Variants in SARS1 observed in about 807,000 individuals in gnomAD.
SARS1 encodes seryl-tRNA synthetase 1, also known as serine--tRNA ligase, cytoplasmic.
Under a neutral mutation model 63.7 loss-of-function variants are expected in SARS1, and 25 were observed. The ratio of observed to expected loss-of-function variants is 0.39; its 90% CI spans 0.29 to 0.55. The LOEUF (loss-of-function observed/expected upper bound fraction) is 0.55. Among genes scored for constraint, SARS1 ranks in the 20% least tolerant of loss-of-function variants. The pLI is 0.62. For missense variants in SARS1, 417 were observed against 649.7 expected (o/e 0.64, Z 3.89); for synonymous variants, 231 against 243.5 (o/e 0.95, Z 0.48).
chr1:109,235,516 C>T lies in SARS1; in HGVS notation c.969+85C>T, dbSNP rs1655290065. The T allele has an allele frequency of 2.8e-6, 3 of 1,079,658 alleles. No individual in the cohort carries two copies. In the South Asian group the frequency reaches 4.3e-5, roughly 16 times the overall value. The allele number at this position is 1,079,658 out of a possible 1,614,324, so 66.9% of individuals were successfully genotyped here. A position where few individuals can be genotyped will look rare whatever the true frequency, so the allele number is the denominator to read the frequency against. ...AGAGATAGGATCTGTGTTGCTGAGG[C>T]CCATCCTGGCTCCAGCTTTTCCTCT... is the stretch of plus-strand genomic sequence containing the variant. On this transcript the variant is annotated intron_variant, in intron 7 of 10. Transcript: ENST00000234677. This position sits in a 1 kb window ranked among gnomAD's most constrained non-coding sequence, Gnocchi z 4.7.
Position 109,235,411 on chromosome 1 carries a change from C to A in SARS1, c.949C>A (p.Arg317=). The change falls in exon 7 of 11, where the codon CGA becomes AGA. Residue 317 remains arginine (R), a synonymous_variant. Coordinates refer to ENST00000234677, the MANE Select transcript of SARS1 (RefSeq NM_006513.4). This position sits in a 1 kb window ranked among gnomAD's most constrained non-coding sequence, Gnocchi z 4.7. ...SHGRDTRGIF[R]VHQFEKIEQF... is the part of the protein sequence containing the mutation. ...TGGCCGTGACACCCGTGGCATCTTC[C>A]GAGTCCATCAGTTTGAGAAGGTGAG... The A allele has an allele frequency of 1.2e-6, 2 of 1,613,064 alleles. No homozygotes were observed. The highest frequency in any genetic ancestry group is 1.3e-5 in the African/African-American group (1 of 75,016).
intron 1 of SARS1, among the ~76,000 whole-genome samples, chr1:109,222,549 C>T (rs946303647): frequency 6.6e-6 from 1 of 152,156 alleles, no homozygotes; most frequent in South Asian, 2.1e-4. Flanking sequence ...ATCTATTATC[C>T]ATCTCTATAG....
chr1:109,233,862 ATTTTTTT>A (rs1164453054), intron 6 of SARS1, among the ~76,000 whole-genome samples: 1 of 65,968 alleles, frequency 1.5e-5, no homozygotes, highest in Non-Finnish European at 2.7e-5. Context: ...CACCTGGCTA[ATTTTTTT>A]TTTTTTTTTT....
intron 3 of SARS1, among the ~76,000 whole-genome samples, 181 bp downstream of exon 3, chr1:109,228,613 A>G (rs1162336591): frequency 6.6e-6 from 1 of 152,216 alleles, no homozygotes; most frequent in African/African-American, 2.4e-5. Flanking sequence ...TAGACAGCAG[A>G]GATGGAGACA....
chr1:109,216,019 A>G (rs1381963687), intron 1 of SARS1: 3 of 984,944 alleles, frequency 3.0e-6, no homozygotes, highest in Non-Finnish European at 3.6e-6. Context: ...TTTATTTCCA[A>G]TGCATCTATT....
At chr1:109,221,970 G>GTATATATATA (rs773937466) in intron 1 of SARS1, among the ~76,000 whole-genome samples, 4 of 28,054 alleles carry the variant, frequency 1.4e-4, no homozygotes, top group African/African-American at 5.8e-4. Context: ...TTGTGTGTGT[G>GTATATATATA]TATATATATA....
Position 109,235,501 on chromosome 1 carries a change from T to A in SARS1, c.969+70T>A. The A allele has an allele frequency of 7.8e-7, 1 of 1,273,990 alleles. No homozygotes were observed. The highest frequency in any genetic ancestry group is 1.1e-6 in the Non-Finnish European group (1 of 904,474). 78.9% of individuals were successfully genotyped at this position (1,273,990 alleles called of 1,614,324 possible). ...CAGAATGGTTAGATGAGAGATAGGATCTGTGTTGCTGAGGCCCATCCTGGC... is the reference window on the plus strand; with the variant it reads ...CAGAATGGTTAGATGAGAGATAGGAACTGTGTTGCTGAGGCCCATCCTGGC... On this transcript the variant is annotated intron_variant, in intron 7 of 10. Transcript: ENST00000234677. The surrounding 1 kb of genome is among the most constrained non-coding windows in gnomAD (Gnocchi z 4.7).
At chr1:109,221,960 T>TTTTTTTTGTGTGTGTG (rs771565091) in intron 1 of SARS1, among the ~76,000 whole-genome samples, 1 of 10,060 alleles carries the variant, frequency 9.9e-5, no homozygotes, top group African/African-American at 1.5e-4. Context: ...GCTAATTTTT[T>TTTTTTTTGTGTGTGTG]TGTGTGTGTG....
At chr1:109,220,652 T>C (rs1354751355) in intron 1 of SARS1, among the ~76,000 whole-genome samples, 1 of 152,248 alleles carries the variant, frequency 6.6e-6, no homozygotes, top group Non-Finnish European at 1.5e-5. Flanking sequence ...TCTCCCATTC[T>C]GTGGCTTGCC....
intron 4 of SARS1, among the ~76,000 whole-genome samples, chr1:109,230,593 G>T (rs1014282369): frequency 9.9e-5 from 15 of 152,158 alleles, no homozygotes; most frequent in Non-Finnish European, 2.2e-4. Flanking sequence ...GATCACTCGA[G>T]CCCAGGAGTT....
chr1:109,237,105 G>T lies in SARS1; in HGVS notation c.1258-139G>T. On this transcript the variant is annotated intron_variant, in intron 9 of 10. Transcript: ENST00000234677. The surrounding 1 kb of genome is among the most constrained non-coding windows in gnomAD (Gnocchi z 4.1). ...CCAAATAATTCAAATTTAGAAAAAA[G>T]TTGCTAAGGGGTAGAACCCATCATT... The T allele has an allele frequency of 7.3e-7, 1 of 1,361,088 alleles. No homozygotes were observed. The highest frequency in any genetic ancestry group is 9.9e-7 in the Non-Finnish European group (1 of 1,006,042). 84.3% of individuals were successfully genotyped at this position (1,361,088 alleles called of 1,614,324 possible).
Position 109,235,458 on chromosome 1 carries a change from T to G in SARS1, c.969+27T>G, listed in dbSNP as rs1261815702. 6.4e-7 allele frequency: 1 copy of G among 1,560,698 alleles called. No individual in the cohort carries two copies. The highest frequency in any genetic ancestry group is 2.2e-5 in the East Asian group (1 of 44,518). On this transcript the variant is annotated intron_variant, in intron 7 of 10. Coordinates refer to ENST00000234677, the MANE Select transcript of SARS1 (RefSeq NM_006513.4). This position sits in a 1 kb window ranked among gnomAD's most constrained non-coding sequence, Gnocchi z 4.7. ...TGAGTAGATGGGTCAGGGTAAGGAG[T>G]GGAACTTTCTCTGTCTCCAGAATGG...
chr1:109,216,977 A>C, intron 1 of SARS1: 1 of 985,378 alleles, frequency 1.0e-6, no homozygotes, highest in Non-Finnish European at 1.2e-6. Flanking sequence ...ACAGGTCCTT[A>C]TCATTGTTTG....
Position 109,237,172 on chromosome 1 carries a change from A to T in SARS1, c.1258-72A>T. ...TGGTTGGGGAAGTCTGGTTGAATGG[A>T]TGGTTCCTGGCCGTCAGTAAGACCC... On this transcript the variant is annotated intron_variant, in intron 9 of 10. Transcript: ENST00000234677. The surrounding 1 kb of genome is among the most constrained non-coding windows in gnomAD (Gnocchi z 4.1). 1 of 1,547,826 alleles carries T rather than the reference A, an allele frequency of 6.5e-7. No individual in the cohort carries two copies. The highest frequency in any genetic ancestry group is 8.7e-7 in the Non-Finnish European group (1 of 1,151,352).
At chr1:109,216,223 A>G in intron 1 of SARS1, 1 of 985,426 alleles carries the variant, frequency 1.0e-6, no homozygotes, top group Non-Finnish European at 1.2e-6. Context: ...GCTTATAACC[A>G]GAGCCACATT....
chr1:109,226,673 A>ATAT (rs1362263446), intron 2 of SARS1, among the ~76,000 whole-genome samples: 136 of 32,030 alleles, frequency 4.2e-3, no homozygotes, highest in Middle Eastern at 0.018. Flanking sequence ...TAAAAAAAAA[A>ATAT]AAAAATATAT....
At chr1:109,231,515 C>G in intron 5 of SARS1, 116 bp from the exon 6 acceptor site, 3 of 830,886 alleles carry the variant, frequency 3.6e-6, no homozygotes, top group Non-Finnish European at 5.2e-6. Flanking sequence ...TCTTGGCCTC[C>G]TGCTTGCCCC....
At chr1:109,219,544 G>A (rs1654878275) in intron 1 of SARS1, among the ~76,000 whole-genome samples, 1 of 144,612 alleles carries the variant, frequency 6.9e-6, no homozygotes, top group African/African-American at 2.6e-5. Context: ...ACAGATTCTT[G>A]CTCAGTCACC....
chr1:109,214,211 C>G lies in SARS1; in HGVS notation c.136+83C>G, dbSNP rs1654732363. The G allele has an allele frequency of 6.7e-7, 1 of 1,492,290 alleles. No homozygotes were observed. The highest frequency in any genetic ancestry group is 2.4e-5 in the East Asian group (1 of 41,692). 92.4% of individuals were successfully genotyped at this position (1,492,290 alleles called of 1,614,324 possible). A position where few individuals can be genotyped will look rare whatever the true frequency, so the allele number is the denominator to read the frequency against. On this transcript the variant is annotated intron_variant, in intron 1 of 10. Transcript: ENST00000234677. The surrounding 1 kb of genome is among the most constrained non-coding windows in gnomAD (Gnocchi z 4.6). ...AATCCAGCCACCGCTCCTGAGGCCA[C>G]AGCTTCCACCCTTCGTCAGACCCCC...
Sources: allele counts gnomAD v4.1 joint callset (sites outside exome capture counted in the v4.1 genomes callset), GRCh38; gene constraint gnomAD v4.1.1; non-coding constraint Gnocchi (gnomAD v3.1); transcripts MANE v1.5; gene names NCBI Gene and HGNC (gene_info 2026-07-23, HGNC 2026-07-21).